Variants in ATG7 observed in about 807,000 individuals in gnomAD.
ATG7 encodes the protein autophagy related 7.
Under a neutral mutation model 82.4 loss-of-function variants are expected in ATG7, and 70 were observed. The ratio of observed to expected loss-of-function variants is 0.85; its 90% CI spans 0.70 to 1.04. The LOEUF (loss-of-function observed/expected upper bound fraction) is 1.04. Ranked by LOEUF, ATG7 falls within the 50% of genes least tolerant of loss-of-function variation. The pLI is 0.00. For synonymous variants in ATG7, 287 were observed against 313.0 expected, an observed-to-expected ratio of 0.92 and a Z score of 0.88; for missense variants, 792 against 864.3, an observed-to-expected ratio of 0.92 and a Z score of 1.05.
intron 18 of ATG7, among the ~76,000 whole-genome samples, chr3:11,375,007 G>A (rs1279350366): frequency 6.8e-6 from 1 of 146,680 alleles, no homozygotes; most frequent in Non-Finnish European, 1.5e-5. Flanking sequence ...TCCAAGACCA[G>A]CATGGGCAAC....
At chr3:11,450,137 C>T (rs994355114) in intron 20 of ATG7, among the ~76,000 whole-genome samples, 1 of 152,192 alleles carries the variant, frequency 6.6e-6, no homozygotes, top group African/African-American at 2.4e-5. Flanking sequence ...TGGATTATCT[C>T]ATTAAATCTT....
intron 11 of ATG7, among the ~76,000 whole-genome samples, chr3:11,336,329 A>C (rs946769283): frequency 6.6e-6 from 1 of 152,062 alleles, no homozygotes; most frequent in Admixed American, 6.6e-5. Flanking sequence ...TCACACGTCC[A>C]GCCGATGCTG....
intron 12 of ATG7, among the ~76,000 whole-genome samples, chr3:11,341,210 C>T (rs1048336339): frequency 1.9e-4 from 28 of 148,074 alleles, no homozygotes; most frequent in African/African-American, 6.8e-4. Flanking sequence ...TACAGGCACG[C>T]GCCACCATGC....
intron 20 of ATG7, among the ~76,000 whole-genome samples, chr3:11,432,877 C>G (rs1187675627): frequency 2.6e-5 from 4 of 152,060 alleles, no homozygotes; most frequent in Non-Finnish European, 4.4e-5. Context: ...ATCCTGACTC[C>G]CTATCCCTCC....
chr3:11,574,289 T>G, the ATG7 span, among the ~76,000 whole-genome samples: 1 of 152,154 alleles, frequency 6.6e-6, no homozygotes. Flanking sequence ...ATGATCAACC[T>G]AAAAGTTTTT....
At chr3:11,335,102 CAG>C (rs1368487618) in intron 11 of ATG7, among the ~76,000 whole-genome samples, 1 of 152,008 alleles carries the variant, frequency 6.6e-6, no homozygotes, top group East Asian at 1.9e-4. Context: ...GAAAGATTGA[CAG>C]AGTACTTCTG....
chr3:11,321,554 A>C (rs942043625), intron 9 of ATG7, among the ~76,000 whole-genome samples: 4 of 152,198 alleles, frequency 2.6e-5, no homozygotes, highest in Non-Finnish European at 5.9e-5. Context: ...AGCCTCTTCA[A>C]ATGTGAATGA....
rs2080559208 is a variant in ATG7, at chr3:11,408,381, C to T, written c.1957-18423C>T. On this transcript the variant is annotated intron_variant, in intron 19 of 20. Transcript: ENST00000693202. Reference sequence around the variant, plus strand: ...CTCTAGGAAGTTCCAAACTTTCCCACATTTTGCTGTCTTCTTCTGAGCCCT... The same window carrying T: ...CTCTAGGAAGTTCCAAACTTTCCCATATTTTGCTGTCTTCTTCTGAGCCCT... 1.3e-5 allele frequency among the ~76,000 whole-genome samples: 2 copies of T among 152,224 alleles called. 1 individual carries two copies. Among genetic ancestry groups the T allele is most frequent in the South Asian group, 4.1e-4 (2 of 4,836 alleles).
intron 18 of ATG7, among the ~76,000 whole-genome samples, chr3:11,375,487 C>T (rs963536585): frequency 6.6e-6 from 1 of 152,212 alleles, no homozygotes; most frequent in East Asian, 1.9e-4. Context: ...TGGCTATAAT[C>T]TACAAGAGAC....
At chr3:11,471,745 C>CTTT (rs200590021) in intron 20 of ATG7, among the ~76,000 whole-genome samples, 19,411 of 104,872 alleles carry the variant, frequency 0.19, 2,901 homozygotes, top group South Asian at 0.36. Flanking sequence ...TTTTAGATTT[C>CTTT]TTTTTTTTTT....
intron 20 of ATG7, among the ~76,000 whole-genome samples, chr3:11,452,227 A>T (rs1310005329): frequency 6.6e-6 from 1 of 151,986 alleles, no homozygotes; most frequent in African/African-American, 2.4e-5. Flanking sequence ...TGTACTAAAA[A>T]TACAAAAACT....
chr3:11,494,143 G>A (rs77235553), intron 20 of ATG7, among the ~76,000 whole-genome samples: 1,882 of 152,286 alleles, frequency 0.012, 31 homozygotes, highest in African/African-American at 0.037. Flanking sequence ...TTAATCAGGC[G>A]CTGCAGCAGG....
At chr3:11,573,353 A>G in the ATG7 span, among the ~76,000 whole-genome samples, 107 of 100,874 alleles carry the variant, frequency 1.1e-3, no homozygotes, top group African/African-American at 2.7e-3. Context: ...GAAAGAAAGA[A>G]AGAAAGAAAG....
intron 9 of ATG7, among the ~76,000 whole-genome samples, chr3:11,320,410 C>G (rs1211729914): frequency 6.6e-6 from 1 of 152,140 alleles, no homozygotes; most frequent in Admixed American, 6.5e-5. Context: ...GCCTCAGCCT[C>G]CTGAGTAGCT....
At chr3:11,540,907 T>TTGG (rs2070757021) in intron 20 of ATG7, among the ~76,000 whole-genome samples, 1 of 35,000 alleles carries the variant, frequency 2.9e-5, no homozygotes, top group Admixed American at 3.7e-4. Flanking sequence ...TAGCTTTTTT[T>TTGG]GGGGGGGGGA....
At position 11,313,316 on chromosome 3, in the gene ATG7, T is replaced by A; in HGVS notation, c.424T>A (p.Tyr142Asn). 6.2e-7 allele frequency: 1 copy of A among 1,603,774 alleles called. No homozygotes were observed. Among genetic ancestry groups the A allele is most frequent in the South Asian group, 1.1e-5 (1 of 89,660 alleles). ...LLLTFADLKK[Y>N]HFYYWFCYPA... is the part of the protein sequence containing the mutation. Reference sequence around the variant, plus strand: ...CTTTTTTTTCTAGGATCTAAAGAAGTACCACTTCTACTATTGGTTTTGCTA... The same window carrying A: ...CTTTTTTTTCTAGGATCTAAAGAAGAACCACTTCTACTATTGGTTTTGCTA... Residue 142 changes from tyrosine to asparagine, a missense_variant, in exon 8 of 21, where the codon TAC becomes AAC. Physicochemically the swap from Tyr to Asn is moderately radical, Grantham distance 143 (BLOSUM62 -2). Coordinates refer to ENST00000693202, the MANE Select transcript of ATG7 (RefSeq NM_001349232.2).
At chr3:11,530,129 T>G (rs2092666417) in intron 20 of ATG7, among the ~76,000 whole-genome samples, 1 of 152,104 alleles carries the variant, frequency 6.6e-6, no homozygotes, top group Admixed American at 6.6e-5. Flanking sequence ...GGATGACCCA[T>G]GCAGAAAGAG....
chr3:11,443,330 G>A (rs1360348840), intron 20 of ATG7, among the ~76,000 whole-genome samples: 2 of 152,168 alleles, frequency 1.3e-5, no homozygotes, highest in Non-Finnish European at 2.9e-5. Flanking sequence ...TAAGGCTGAG[G>A]GGCAAAGGAG....
intron 20 of ATG7, among the ~76,000 whole-genome samples, chr3:11,536,906 G>C (rs1008886912): frequency 6.6e-6 from 1 of 152,100 alleles, no homozygotes; most frequent in Non-Finnish European, 1.5e-5. Context: ...GCTTATTTAC[G>C]ATCAGCCTGT....
Sources: gnomAD v4.1 joint callset for allele counts (sites outside exome capture counted in the v4.1 genomes callset) on GRCh38, gnomAD v4.1.1 for gene constraint, MANE v1.5 for transcripts, NCBI Gene and HGNC (gene_info 2026-07-23, HGNC 2026-07-21) for gene names.